The following PPIP5K2 variants were observed in gnomAD, a reference collection of about 807,000 sequenced individuals.
PPIP5K2 encodes the protein diphosphoinositol pentakisphosphate kinase 2.
A neutral mutation model predicts 154.6 loss-of-function variants in PPIP5K2; 105 were observed. That is an observed-to-expected ratio of 0.68 (90% CI 0.58 to 0.80). The LOEUF (loss-of-function observed/expected upper bound fraction) is 0.80, where lower values mean the gene tolerates loss of function less well. Ranked by LOEUF, PPIP5K2 falls within the 30% of genes least tolerant of loss-of-function variation. The pLI is 0.00. For synonymous variants in PPIP5K2, 480 were observed against 490.3 expected (o/e 0.98, Z 0.28); for missense variants, 992 against 1,504.6 (o/e 0.66, Z 5.64).
At chr5:103,138,552 GA>G (rs1245604280) in intron 5 of PPIP5K2, 83 bp downstream of exon 5, 1 of 773,552 alleles carries the variant, frequency 1.3e-6, no homozygotes, top group East Asian at 2.8e-5. Flanking sequence ...TAACTGGAAG[GA>G]ATTTAAAGAA....
rs782248772 is a variant in PPIP5K2, at chr5:103,186,361, G to A, written c.3211G>A (p.Gly1071Ser). The A allele has an allele frequency of 3.7e-6, 6 of 1,613,718 alleles. No individual in the cohort carries two copies. Among genetic ancestry groups the A allele is most frequent in the Non-Finnish European group, 5.1e-6 (6 of 1,179,880 alleles). Residue 1071 changes from glycine to serine, a missense_variant, in exon 27 of 31, where the codon GGT becomes AGT. This residue lies in a region of PPIP5K2 where 204 missense variants were observed against 224.0 expected (regional missense o/e 0.91). Coordinates refer to ENST00000358359, the MANE Select transcript of PPIP5K2 (RefSeq NM_001276277.3). ...CCTGTTTAGCACCTCGGTGCTCGGG[G>A]GTTCTTCAAGCGCACCTAACCTACA... ...AGLFSTSVLG[G>S]SSSAPNLQDY...
In PPIP5K2 at chr5:103,183,399, T is replaced by C; in HGVS notation, c.3088T>C (p.Trp1030Arg). The C allele has an allele frequency of 1.2e-6, 2 of 1,607,742 alleles. No individual in the cohort carries two copies. The highest frequency in any genetic ancestry group is 1.1e-5 in the South Asian group (1 of 90,160). ...LAFTSSIFGS[W>R]QQVVSENANY... is the part of the protein sequence containing the mutation. ...TTTCACATCCAGTATTTTTGGCTCA[T>C]GGCAACAGGTTTTTAAACTTTACTT... Residue 1030 changes from tryptophan (W) to arginine (R), a missense_variant, in exon 25 of 31, where the codon TGG becomes CGG. Around this residue, in one of 9 missense-constraint regions of PPIP5K2, gnomAD observed 204 missense variants for 224.0 expected, o/e 0.91. Coordinates refer to ENST00000358359, the MANE Select transcript of PPIP5K2 (RefSeq NM_001276277.3).
rs1308359199 is a variant in PPIP5K2 at position 103,202,294 on chromosome 5, T to C, written c.*660T>C. 1.3e-5 allele frequency: 2 copies of C among 152,548 alleles called. No homozygotes were observed. The highest frequency in any genetic ancestry group is 4.8e-5 in the African/African-American group (2 of 41,450). The allele number at this position is 152,548 out of a possible 1,614,324, so 9.4% of individuals were successfully genotyped here. A position where few individuals can be genotyped will look rare whatever the true frequency, so the allele number is the denominator to read the frequency against. On this transcript the variant is annotated 3_prime_UTR_variant, in exon 31 of 31. Transcript: ENST00000358359. ...GATTTATATATTAATTTGTAGAAAA[T>C]ATTTTCTTTATATATTTCCTTACCA...
chr5:103,183,308 T>C lies in PPIP5K2; in HGVS notation c.2997T>C (p.Thr999=). ...TGCATTATACCAGTGGTGTGGGTAC[T>C]GGGCGTCGAAGACGCAGATCAGGGG... The part of the protein sequence containing the change: ...TWLHYTSGVG[T]GRRRRRSGEQ... Residue 999 remains threonine, a synonymous_variant, in exon 25 of 31, where the codon ACT becomes ACC. Coordinates refer to ENST00000358359, the MANE Select transcript of PPIP5K2 (RefSeq NM_001276277.3). 6.3e-7 allele frequency: 1 copy of C among 1,598,516 alleles called. No homozygotes were observed. The highest frequency in any genetic ancestry group is 8.5e-7 in the Non-Finnish European group (1 of 1,173,452).
intron 2 of PPIP5K2, among the ~76,000 whole-genome samples, chr5:103,132,167 C>T (rs1790728904): frequency 1.3e-5 from 2 of 151,992 alleles, no homozygotes; most frequent in South Asian, 4.1e-4. Flanking sequence ...TTTGATTTAC[C>T]AATCAACTCT....
At position 103,133,599 on chromosome 5, in the gene PPIP5K2, A is replaced by G. The variant is rs782781232; in HGVS notation, c.261A>G (p.Pro87=). 4 of 1,611,720 alleles carry G rather than the reference A, an allele frequency of 2.5e-6. No homozygotes were observed. The African/African-American group carries it at 4.0e-5, about 16-fold the overall frequency. Residue 87 remains proline, a synonymous_variant, in exon 3 of 31, where the codon CCA becomes CCG. Transcript: ENST00000358359. ...VFEEEVILNE[P]VENWPLCDCL... Reference sequence around the variant, plus strand: ...AAGAGGAGGTTATTTTGAATGAACCAGTGGAAAACTGGCCTTTATGTGATT... The same window carrying G: ...AAGAGGAGGTTATTTTGAATGAACCGGTGGAAAACTGGCCTTTATGTGATT...
At chr5:103,194,531 C>T (rs1801758450) in intron 29 of PPIP5K2, among the ~76,000 whole-genome samples, 1 of 152,108 alleles carries the variant, frequency 6.6e-6, no homozygotes, top group Non-Finnish European at 1.5e-5. Context: ...TGAAACACCA[C>T]GCCTGGTGAG....
rs782497130 is a variant in PPIP5K2, at chr5:103,158,264, G to C, written c.1566G>C (p.Gln522His). The C allele has an allele frequency of 1.2e-6, 2 of 1,614,052 alleles. No individual in the cohort carries two copies. Among genetic ancestry groups the C allele is most frequent in the Non-Finnish European group, 1.7e-6 (2 of 1,179,950 alleles). The part of the protein sequence containing the change: ...GGELTPAGRV[Q>H]AEELGRAFRC... Reference sequence around the variant, plus strand: ...AATTAACTCCTGCAGGCAGGGTCCAGGCTGAAGAACTTGGAAGAGCCTTCA... The same window carrying C: ...AATTAACTCCTGCAGGCAGGGTCCACGCTGAAGAACTTGGAAGAGCCTTCA... The change falls in exon 15 of 31, where the codon CAG (glutamine) becomes CAC (histidine). Residue 522 changes from glutamine (Q) to histidine (H), a missense_variant. Gln to His is a conservative substitution (Grantham distance 24). Around this residue, in one of 9 missense-constraint regions of PPIP5K2, gnomAD observed 163 missense variants for 285.2 expected, o/e 0.57. Transcript: ENST00000358359.
At position 103,203,035 on chromosome 5, in the gene PPIP5K2, G is replaced by C. The variant is rs1448766951; in HGVS notation, c.*1401G>C. 2 of 152,508 alleles carry C rather than the reference G, an allele frequency of 1.3e-5. No individual in the cohort carries two copies. Among genetic ancestry groups the C allele is most frequent in the Non-Finnish European group, 2.9e-5 (2 of 67,994 alleles). The allele number at this position is 152,508 out of a possible 1,614,324, so 9.4% of individuals were successfully genotyped here. A position where few individuals can be genotyped will look rare whatever the true frequency, so the allele number is the denominator to read the frequency against. ...GTCATAAATATATGCAATTAAAGAA[G>C]TTCATAGATTTCACATGAATGTAAA... is the stretch of plus-strand genomic sequence containing the variant. On this transcript the variant is annotated 3_prime_UTR_variant, in exon 31 of 31. Transcript: ENST00000358359.
rs1269630406 is a variant in PPIP5K2, at chr5:103,205,172, G to A, written c.*3538G>A. 1 of 150,270 alleles carries A rather than the reference G, an allele frequency of 6.7e-6. No individual in the cohort carries two copies. The highest frequency in any genetic ancestry group is 1.5e-5 in the Non-Finnish European group (1 of 67,752). 9.3% of individuals were successfully genotyped at this position (150,270 alleles called of 1,614,324 possible). A position where few individuals can be genotyped will look rare whatever the true frequency, so the allele number is the denominator to read the frequency against. On this transcript the variant is annotated 3_prime_UTR_variant, in exon 31 of 31. Coordinates refer to ENST00000358359, the MANE Select transcript of PPIP5K2 (RefSeq NM_001276277.3). ...GGTTTCCAGCTTCATCCATGTCCTT[G>A]TCATCCTTTTTTTTGGCTGCATAGT...
intron 17 of PPIP5K2, among the ~76,000 whole-genome samples, chr5:103,162,982 T>G (rs559885679): frequency 6.6e-6 from 1 of 152,142 alleles, no homozygotes; most frequent in East Asian, 1.9e-4. Flanking sequence ...AGTACCATAT[T>G]TATTATATAT....
At chr5:103,152,076 G>T (rs1166188483) in intron 9 of PPIP5K2, among the ~76,000 whole-genome samples, 1 of 151,938 alleles carries the variant, frequency 6.6e-6, no homozygotes, top group Non-Finnish European at 1.5e-5. Flanking sequence ...TTGGATTTCA[G>T]ATTTTCAGAT....
intron 25 of PPIP5K2, 52 bp from the exon 26 acceptor site, chr5:103,184,620 T>C: frequency 7.1e-7 from 1 of 1,403,392 alleles, no homozygotes; most frequent in Non-Finnish European, 1.0e-6. Flanking sequence ...AAGTATAGAC[T>C]TATGAATTTA....
Position 103,205,499 on chromosome 5 carries a change from T to C in PPIP5K2, c.*3865T>C, listed in dbSNP as rs2149880763. The C allele has an allele frequency of 6.6e-6, 1 of 152,344 alleles. No homozygotes were observed. The highest frequency in any genetic ancestry group is 1.5e-5 in the Non-Finnish European group (1 of 68,028). The allele number at this position is 152,344 out of a possible 1,614,324, so 9.4% of individuals were successfully genotyped here. On this transcript the variant is annotated 3_prime_UTR_variant, in exon 31 of 31. Transcript: ENST00000358359. ...TCCACATCCTCTCCAGCATCTGTTG[T>C]TTCCTGACTTTTCAATGATCGCCAT...
intron 5 of PPIP5K2, among the ~76,000 whole-genome samples, chr5:103,144,657 A>G (rs1198604437): frequency 6.6e-6 from 1 of 152,224 alleles, no homozygotes; most frequent in Non-Finnish European, 1.5e-5. Flanking sequence ...GTTGACCAGA[A>G]TGTCCACTGG....
chr5:103,188,184 G>C (rs1368956308), intron 28 of PPIP5K2, among the ~76,000 whole-genome samples: 1 of 152,124 alleles, frequency 6.6e-6, no homozygotes, highest in African/African-American at 2.4e-5. Context: ...GCTTGATATT[G>C]TGGGGCAAGA....
chr5:103,121,551 T>C (rs991006454), intron 1 of PPIP5K2, among the ~76,000 whole-genome samples: 6 of 152,232 alleles, frequency 3.9e-5, no homozygotes, highest in Admixed American at 3.9e-4. Context: ...CACTAACATT[T>C]TCAGTGTCTG....
Position 103,194,983 on chromosome 5 carries a change from C to T in PPIP5K2, c.3577C>T (p.Pro1193Ser). 1 of 1,613,738 alleles carries T rather than the reference C, an allele frequency of 6.2e-7. No homozygotes were observed. The highest frequency in any genetic ancestry group is 8.5e-7 in the Non-Finnish European group (1 of 1,179,810). ...TYTPAKILPT[P>S]PATLKSTKAS... The stretch of plus-strand genomic sequence containing the variant: ...TACACCTGCAAAGATCCTCCCAACA[C>T]CACCAGCTACCTTAAAGAGCACTAA... The change falls in exon 30 of 31, where the codon CCA becomes TCA. Residue 1193 changes from proline (P) to serine (S), a missense_variant. This residue lies in a region of PPIP5K2 where 131 missense variants were observed against 117.8 expected (regional missense o/e 1.11). Coordinates refer to ENST00000358359, the MANE Select transcript of PPIP5K2 (RefSeq NM_001276277.3).
At chr5:103,157,939 T>C (rs1163260890) in intron 14 of PPIP5K2, among the ~76,000 whole-genome samples, 3 of 152,178 alleles carry the variant, frequency 2.0e-5, no homozygotes, top group Non-Finnish European at 2.9e-5. Flanking sequence ...GAGCCATTTT[T>C]CTAAAGTATG....
Sources: allele counts gnomAD v4.1 joint callset (sites outside exome capture counted in the v4.1 genomes callset), GRCh38; gene constraint gnomAD v4.1.1; regional missense constraint gnomAD v4.1.1; transcripts MANE v1.5; gene names NCBI Gene and HGNC (gene_info 2026-07-23, HGNC 2026-07-21).